TUBGCP6: variants seen among roughly 807,000 people sequenced by gnomAD.
The protein encoded by TUBGCP6 is tubulin gamma complex component 6.
TUBGCP6 carries 161 observed loss-of-function variants against 175.8 expected under a neutral mutation model. That is an observed-to-expected ratio of 0.92 (90% CI 0.81 to 1.04). TUBGCP6 has a LOEUF of 1.04. Ranked by LOEUF, TUBGCP6 falls within the 50% of genes least tolerant of loss-of-function variation. TUBGCP6 has a pLI of 0.00. For missense variants in TUBGCP6, 2,572 were observed against 2,433.0 expected, an observed-to-expected ratio of 1.06 and a Z score of -1.20; for synonymous variants, 1,173 against 1,030.5, an observed-to-expected ratio of 1.14 and a Z score of -2.65.
At position 50,242,365 on chromosome 22, in the gene TUBGCP6, C is replaced by T. The variant is rs2064850553; in HGVS notation, c.741+1354G>A. ...TACAAAAATTAGCTGTGTGTGGTGA[C>T]GCACACCTGTAGTCCCAGATACTTA... On this transcript the variant is annotated intron_variant, in intron 1 of 24. Coordinates refer to ENST00000248846, the MANE Select transcript of TUBGCP6 (RefSeq NM_020461.4). Among the ~76,000 whole-genome samples, 3 of 151,714 alleles carry T rather than the reference C, an allele frequency of 2.0e-5. No individual in the cohort carries two copies. In the South Asian group the frequency reaches 6.2e-4, roughly 31 times the overall value.
At chr22:50,230,621 T>G (rs1274706209) in intron 3 of TUBGCP6, among the ~76,000 whole-genome samples, 1 of 129,878 alleles carries the variant, frequency 7.7e-6, no homozygotes, top group Non-Finnish European at 1.6e-5. Context: ...AAAAAAAAAA[T>G]TAAAAATTAG....
rs2064719109 is a variant in TUBGCP6, at chr22:50,233,412, C to A, written c.1020G>T (p.Gln340His). The A allele has an allele frequency of 3.1e-6, 5 of 1,613,934 alleles. No homozygotes were observed. Among genetic ancestry groups the A allele is most frequent in the Non-Finnish European group, 3.4e-6 (4 of 1,179,932 alleles). The change falls in exon 3 of 25, where the codon CAG becomes CAT. Residue 340 changes from glutamine (Q) to histidine (H), a missense_variant. Gln to His is a conservative substitution (Grantham distance 24). Transcript: ENST00000248846. ...ELQLLAGGVL[Q>H]APQPVLVKEC... The stretch of plus-strand genomic sequence containing the variant: ...CCTTCACCAGCACGGGCTGCGGGGC[C>A]TGTAGGACGCCCCCAGCAAGCAGCT...
intron 1 of TUBGCP6, among the ~76,000 whole-genome samples, 192 bp from the exon 2 acceptor site, chr22:50,240,559 G>A (rs2064827170): frequency 6.6e-6 from 1 of 152,214 alleles, no homozygotes; most frequent in South Asian, 2.1e-4. Context: ...AAGTCGTCAA[G>A]GCTGCCAATT....
At chr22:50,233,969 G>A (rs1349886220) in intron 2 of TUBGCP6, among the ~76,000 whole-genome samples, 1 of 149,536 alleles carries the variant, frequency 6.7e-6, no homozygotes, top group Non-Finnish European at 1.5e-5. Flanking sequence ...CCAGGTCCAT[G>A]GCAGCATCCA....
intron 2 of TUBGCP6, 128 bp downstream of exon 2, chr22:50,240,076 G>T: frequency 1.5e-6 from 2 of 1,313,946 alleles, no homozygotes; most frequent in African/African-American, 1.5e-5. Flanking sequence ...TTGGACACTA[G>T]CTTAGGTTAC....
intron 3 of TUBGCP6, among the ~76,000 whole-genome samples, 175 bp from the exon 4 acceptor site, chr22:50,229,752 G>C (rs2064665616): frequency 6.6e-6 from 1 of 152,052 alleles, no homozygotes; most frequent in African/African-American, 2.4e-5. Context: ...CCAAACCGAG[G>C]CACAAATCCT....
chr22:50,229,536 T>A lies in TUBGCP6; in HGVS notation c.1158A>T (p.Ser386=). The A allele has an allele frequency of 6.2e-7, 1 of 1,604,474 alleles. No individual in the cohort carries two copies. The highest frequency in any genetic ancestry group is 1.1e-5 in the South Asian group (1 of 89,434). Residue 386 remains serine, a synonymous_variant, in exon 4 of 25, where the codon TCA becomes TCT. Transcript: ENST00000248846. ...AFVVKRGVHV[S]GASPESISSL... Reference sequence around the variant, plus strand: ...TGCTGATGCTCTCGGGAGACGCTCCTGACACGTGGACGCCCCGCTTCACCA... The same window carrying A: ...TGCTGATGCTCTCGGGAGACGCTCCAGACACGTGGACGCCCCGCTTCACCA...
At chr22:50,241,732 C>T (rs985364870) in intron 1 of TUBGCP6, among the ~76,000 whole-genome samples, 3 of 152,182 alleles carry the variant, frequency 2.0e-5, no homozygotes, top group African/African-American at 7.2e-5. Flanking sequence ...CCCACGTGAC[C>T]TTACCTATCA....
chr22:50,230,254 G>A (rs1255292316), intron 3 of TUBGCP6, among the ~76,000 whole-genome samples: 2 of 148,752 alleles, frequency 1.3e-5, no homozygotes. Flanking sequence ...AGGATCACTT[G>A]AGCCCAGAAG....
In TUBGCP6 at chr22:50,221,451, G is replaced by A; in HGVS notation, c.2908C>T (p.Leu970=). The change falls in exon 16 of 25, where the codon CTG becomes TTG. Residue 970 remains leucine, a synonymous_variant. Coordinates refer to ENST00000248846, the MANE Select transcript of TUBGCP6 (RefSeq NM_020461.4). The part of the protein sequence containing the change: ...AVATSPAPGP[L]QAAECSLGSS... ...CCCAAGCTGCACTCTGCAGCCTGCA[G>A]GGGCCCTGGTGCAGGTGAGGTGGCC... 8.1e-6 allele frequency: 13 copies of A among 1,595,866 alleles called. No individual in the cohort carries two copies. Among genetic ancestry groups the A allele is most frequent in the Non-Finnish European group, 1.1e-5 (13 of 1,173,622 alleles).
At chr22:50,242,379 C>T (rs747082740) in intron 1 of TUBGCP6, among the ~76,000 whole-genome samples, 1 of 152,034 alleles carries the variant, frequency 6.6e-6, no homozygotes, top group Non-Finnish European at 1.5e-5. Context: ...CACCTGTAGT[C>T]CCAGATACTT....
At position 50,219,170 on chromosome 22, in the gene TUBGCP6, G is replaced by C. The variant is rs767610714; in HGVS notation, c.4524C>G (p.Phe1508Leu). 3.7e-6 allele frequency: 6 copies of C among 1,612,260 alleles called. No homozygotes were observed. In the East Asian group the frequency reaches 1.3e-4, roughly 36 times the overall value. ...AGTGCGCCTCCAGGTGCAGCTCCAC[G>C]AAGAAGTAGTCGACAGCGGCCTTGT... ...LVNKAAVDYF[F>L]VELHLEAHYE... The change falls in exon 20 of 25, where the codon TTC (phenylalanine) becomes TTG (leucine). Residue 1508 changes from phenylalanine (F) to leucine (L), a missense_variant. Coordinates refer to ENST00000248846, the MANE Select transcript of TUBGCP6 (RefSeq NM_020461.4).
intron 5 of TUBGCP6, among the ~76,000 whole-genome samples, chr22:50,227,293 C>T (rs998771954): frequency 1.3e-5 from 2 of 152,138 alleles, no homozygotes; most frequent in African/African-American, 4.8e-5. Flanking sequence ...ACACACACCC[C>T]ACTGAAGTAC....
rs770840511 is a variant in TUBGCP6, at chr22:50,222,087, C to G, written c.2425G>C (p.Val809Leu). ...EKHIQEMLKA[V>L]SEAHQPQEPP... ...TCCTGGGGCTGGTGAGCCTCAGACA[C>G]TGCTTTCAGCATCTCCTGAAATTCA... is the stretch of plus-strand genomic sequence containing the variant. Residue 809 changes from valine to leucine, a missense_variant, in exon 15 of 25, where the codon GTG becomes CTG. Physicochemically the swap from Val to Leu is conservative, Grantham distance 32 (BLOSUM62 1). Coordinates refer to ENST00000248846, the MANE Select transcript of TUBGCP6 (RefSeq NM_020461.4). 3.1e-6 allele frequency: 5 copies of G among 1,613,770 alleles called. No individual in the cohort carries two copies. Among genetic ancestry groups the G allele is most frequent in the Non-Finnish European group, 4.2e-6 (5 of 1,179,990 alleles).
chr22:50,237,306 G>T (rs953894691), intron 2 of TUBGCP6, among the ~76,000 whole-genome samples: 2 of 152,226 alleles, frequency 1.3e-5, no homozygotes, highest in Non-Finnish European at 2.9e-5. Flanking sequence ...CTGGCTAGGC[G>T]GCAGTTTCTT....
chr22:50,240,290 C>G lies in TUBGCP6; in HGVS notation c.819G>C (p.Glu273Asp). The change falls in exon 2 of 25, where the codon GAG becomes GAC. Residue 273 changes from glutamate (E) to aspartate (D), a missense_variant. Glu to Asp is a conservative substitution (Grantham distance 45). Coordinates refer to ENST00000248846, the MANE Select transcript of TUBGCP6 (RefSeq NM_020461.4). ...GGTCCACGTCTGGGGTCACGCTGGGCTCAGACTGGGAATCAGGAGTCAAGT... is the reference window on the plus strand; with the variant it reads ...GGTCCACGTCTGGGGTCACGCTGGGGTCAGACTGGGAATCAGGAGTCAAGT... ...ASNLTPDSQS[E>D]PSVTPDVDLW... 6.2e-7 allele frequency: 1 copy of G among 1,614,078 alleles called. No homozygotes were observed.
In TUBGCP6 at chr22:50,220,956, C is replaced by T. The variant is rs202082129; in HGVS notation, c.3403G>A (p.Gly1135Arg). 294 of 1,607,274 alleles carry T rather than the reference C, an allele frequency of 1.8e-4. 1 individual carries two copies. The highest frequency in any genetic ancestry group is 1.7e-4 in the Non-Finnish European group (204 of 1,175,750). ...APTRPRWNTH[G>R]HVSNASIRVG... is the part of the protein sequence containing the mutation. The stretch of plus-strand genomic sequence containing the variant: ...CTGATGCTGGCGTTGGACACGTGCC[C>T]GTGGGTATTCCACCGTGGCCTGGTG... The change falls in exon 16 of 25, where the codon GGG (glycine) becomes AGG (arginine). Residue 1135 changes from glycine to arginine, a missense_variant. Gly to Arg is a moderately radical substitution (Grantham distance 125). Transcript: ENST00000248846.
intron 2 of TUBGCP6, among the ~76,000 whole-genome samples, chr22:50,236,962 A>G (rs1419444012): frequency 5.9e-5 from 9 of 152,216 alleles, no homozygotes; most frequent in Admixed American, 5.2e-4. Context: ...AAAAGCCCAC[A>G]GCGGAAACAC....
chr22:50,220,686 C>A lies in TUBGCP6; in HGVS notation c.3673G>T (p.Val1225Phe). 1 of 1,609,528 alleles carries A rather than the reference C, an allele frequency of 6.2e-7. No individual in the cohort carries two copies. The highest frequency in any genetic ancestry group is 8.5e-7 in the Non-Finnish European group (1 of 1,179,552). ...GCCACGTCCGATACGTTCTCCCCAA[C>A]CCTGATGCTGGTGTCAGACACATGT... Reference protein sequence around the residue: ...HGHVSDTSIRVGENVSDVAPI... With the variant: ...HGHVSDTSIRFGENVSDVAPI... The change falls in exon 16 of 25, where the codon GTT (valine) becomes TTT (phenylalanine). Residue 1225 changes from valine (V) to phenylalanine (F), a missense_variant. By Grantham distance (50) the Val-to-Phe change is conservative (BLOSUM62 -1). Transcript: ENST00000248846.
Sources: gnomAD v4.1 joint callset for allele counts (sites outside exome capture counted in the v4.1 genomes callset) on GRCh38, gnomAD v4.1.1 for gene constraint, MANE v1.5 for transcripts, NCBI Gene and HGNC (gene_info 2026-07-23, HGNC 2026-07-21) for gene names.